TCIRG1: variants seen among roughly 807,000 people sequenced by gnomAD.
TCIRG1 encodes the protein V-type proton ATPase 116 kDa subunit a 3.
Under a neutral mutation model 95.5 loss-of-function variants are expected in TCIRG1, and 86 were observed. The observed-to-expected ratio is 0.90, with a 90% CI of 0.76 to 1.08. The LOEUF (loss-of-function observed/expected upper bound fraction) is 1.08, where lower values mean the gene tolerates loss of function less well. Ranked by LOEUF, TCIRG1 falls within the 50% of genes least tolerant of loss-of-function variation. The pLI, the probability that TCIRG1 is intolerant of heterozygous loss-of-function variation, is 0.00. For missense variants in TCIRG1, 1,069 were observed against 1,140.2 expected, an observed-to-expected ratio of 0.94 and a Z score of 0.90; for synonymous variants, 499 against 501.3, an observed-to-expected ratio of 1.00 and a Z score of 0.06.
chr11:68,046,652 G>T (rs546538746), intron 10 of TCIRG1, among the ~76,000 whole-genome samples: 1,915 of 150,616 alleles, frequency 0.013, 20 homozygotes, highest in Non-Finnish European at 0.019. Context: ...TCACAACACA[G>T]CCCCTGACAG....
In TCIRG1 at chr11:68,047,912, T is replaced by G. The variant is rs756496601; in HGVS notation, c.1494T>G (p.Leu498=). ...SDAFLAQHTM[L]TLDPNVTGVF... ...CATTCCTGGCCCAGCACACGATGCT[T>G]ACCCTGGATCCCAACGTCACCGGTG... is the stretch of plus-strand genomic sequence containing the variant. The change falls in exon 13 of 20, where the codon CTT becomes CTG. Residue 498 remains leucine (L), a synonymous_variant. Coordinates refer to ENST00000265686, the MANE Select transcript of TCIRG1 (RefSeq NM_006019.4). 2 of 1,613,782 alleles carry G rather than the reference T, an allele frequency of 1.2e-6. No individual in the cohort carries two copies. The highest frequency in any genetic ancestry group is 2.2e-5 in the South Asian group (2 of 91,084).
intron 13 of TCIRG1, 178 bp from the exon 14 acceptor site, chr11:68,048,701 T>C: frequency 1.4e-6 from 1 of 700,076 alleles, no homozygotes; most frequent in Admixed American, 2.0e-5. Context: ...TCACCCAGGC[T>C]GGCACCGTGG....
At position 68,047,797 on chromosome 11, in the gene TCIRG1, G is replaced by T; in HGVS notation, c.1456G>T (p.Gly486Cys). ...TGTGGCCGCCATGGCCAACCAGTCT[G>T]GCTGGAGGTGAGGCCCGGGCCCCAG... Reference protein sequence around the residue: ...WSVAAMANQSGWSDAFLAQHT... With the variant: ...WSVAAMANQSCWSDAFLAQHT... The change falls in exon 12 of 20, where the codon GGC becomes TGC. Residue 486 changes from glycine to cysteine, a missense_variant. Physicochemically the swap from Gly to Cys is radical, Grantham distance 159. Transcript: ENST00000265686. 6.2e-7 allele frequency: 1 copy of T among 1,612,830 alleles called. No homozygotes were observed. Among genetic ancestry groups the T allele is most frequent in the Non-Finnish European group, 8.5e-7 (1 of 1,179,744 alleles).
chr11:68,044,832 A>G, intron 9 of TCIRG1, 126 bp from the exon 10 acceptor site: 1 of 1,199,896 alleles, frequency 8.3e-7, no homozygotes. Context: ...CACGTCAGAG[A>G]GAGGGGAAGG....
At position 68,048,982 on chromosome 11, in the gene TCIRG1, G is replaced by T; in HGVS notation, c.1658G>T (p.Gly553Val). ...CACATGGCCTTTGGGGTGGTCCTCGGAGTCTTCAACCACGTGTGAGGGCCA... is the reference window on the plus strand; with the variant it reads ...CACATGGCCTTTGGGGTGGTCCTCGTAGTCTTCAACCACGTGTGAGGGCCA... ...VVHMAFGVVL[G>V]VFNHVHFGQR... Residue 553 changes from glycine to valine, a missense_variant, in exon 14 of 20, where the codon GGA becomes GTA. By Grantham distance (109) the Gly-to-Val change is moderately radical (BLOSUM62 -3). Transcript: ENST00000265686. 1.9e-6 allele frequency: 3 copies of T among 1,613,654 alleles called. No homozygotes were observed. The highest frequency in any genetic ancestry group is 2.5e-6 in the Non-Finnish European group (3 of 1,179,994).
At position 68,041,392 on chromosome 11, in the gene TCIRG1, A is replaced by C. The variant is rs751881962; in HGVS notation, c.117+4A>C. 39 of 1,603,364 alleles carry C rather than the reference A, an allele frequency of 2.4e-5. No individual in the cohort carries two copies. In the South Asian group the frequency reaches 4.3e-4, roughly 18 times the overall value. On this transcript the variant is annotated splice_donor_region_variant and intron_variant, in intron 2 of 19. Coordinates refer to ENST00000265686, the MANE Select transcript of TCIRG1 (RefSeq NM_006019.4). ...GGGCCTCGTGGAGTTCAGAGACGTGAGTTGGGTGGGCAGGCGTGGGAAGGG... is the reference window on the plus strand; with the variant it reads ...GGGCCTCGTGGAGTTCAGAGACGTGCGTTGGGTGGGCAGGCGTGGGAAGGG...
chr11:68,051,772 G>A (rs1000520573), downstream of TCIRG1, among the ~76,000 whole-genome samples: 1 of 152,232 alleles, frequency 6.6e-6, no homozygotes, highest in Non-Finnish European at 1.5e-5. Flanking sequence ...GGACTCCGGA[G>A]AGCTGCAGGT....
Position 68,050,199 on chromosome 11 carries a change from C to A in TCIRG1, c.2181C>A (p.Cys727Ter), listed in dbSNP as rs201017845. ...AIHTIEFCLG[C>*]VSNTASYLRL... ...ACACCATCGAGTTCTGCCTGGGCTG[C>A]GTCTCCAACACCGCCTCCTACCTGC... is the stretch of plus-strand genomic sequence containing the variant. Residue 727 changes from cysteine to a stop codon, truncating the protein, a stop_gained, in exon 18 of 20, where the codon TGC becomes TGA. Coordinates refer to ENST00000265686, the MANE Select transcript of TCIRG1 (RefSeq NM_006019.4). LOFTEE classifies it high-confidence loss of function. 6.2e-7 allele frequency: 1 copy of A among 1,613,666 alleles called. No homozygotes were observed. The highest frequency in any genetic ancestry group is 8.5e-7 in the Non-Finnish European group (1 of 1,179,938).
intron 10 of TCIRG1, chr11:68,047,127 CAGCCTCCTGAGT>C: frequency 2.5e-6 from 1 of 407,286 alleles, no homozygotes; most frequent in Non-Finnish European, 4.6e-6. Flanking sequence ...TCTCCTGCCT[CAGCCTCCTGAGT>C]AGCTGGGATT....
chr11:68,041,859 G>T, intron 3 of TCIRG1, 28 bp downstream of exon 3: 1 of 1,580,900 alleles, frequency 6.3e-7, no homozygotes, highest in Non-Finnish European at 8.6e-7. Flanking sequence ...CTACATTCCA[G>T]GCAGGCTTCC....
chr11:68,045,221 G>A (rs2134445915), intron 10 of TCIRG1, 119 bp downstream of exon 10: 1 of 1,264,748 alleles, frequency 7.9e-7, no homozygotes. Flanking sequence ...TGGGATGAGG[G>A]GCACACATCC....
Position 68,048,876 on chromosome 11 carries a change from T to C in TCIRG1, c.1555-3T>C. 3 of 1,607,604 alleles carry C rather than the reference T, an allele frequency of 1.9e-6. No individual in the cohort carries two copies. In the South Asian group the frequency reaches 3.3e-5, roughly 18 times the overall value. ...GTCCAGCCCACCCCTGCTGCCACCCTAGATTTGGAGCCTGGCTGCCAACCA... is the reference window on the plus strand; with the variant it reads ...GTCCAGCCCACCCCTGCTGCCACCCCAGATTTGGAGCCTGGCTGCCAACCA... On this transcript the variant is annotated splice_polypyrimidine_tract_variant and splice_region_variant and intron_variant, in intron 13 of 19. Transcript: ENST00000265686.
chr11:68,050,790 C>T lies in TCIRG1; in HGVS notation c.2464C>T (p.Pro822Ser), dbSNP rs1264287480. The change falls in exon 20 of 20, where the codon CCC becomes TCC. Residue 822 changes from proline (P) to serine (S), a missense_variant. Pro to Ser is a moderately conservative substitution (Grantham distance 74). Coordinates refer to ENST00000265686, the MANE Select transcript of TCIRG1 (RefSeq NM_006019.4). ...CTCAGGCACGGGCTACAAGCTGAGTCCCTTCACCTTCGCTGCCACAGATGA... is the reference window on the plus strand; with the variant it reads ...CTCAGGCACGGGCTACAAGCTGAGTTCCTTCACCTTCGCTGCCACAGATGA... Reference protein sequence around the residue: ...FYSGTGYKLSPFTFAATDD With the variant: ...FYSGTGYKLSSFTFAATDD The T allele has an allele frequency of 7.4e-6, 12 of 1,613,688 alleles. No individual in the cohort carries two copies. In the East Asian group the frequency reaches 2.2e-4, roughly 30 times the overall value.
At chr11:68,041,861 C>T in intron 3 of TCIRG1, 30 bp downstream of exon 3, 2 of 1,569,620 alleles carry the variant, frequency 1.3e-6, no homozygotes, top group Non-Finnish European at 1.7e-6. Context: ...ACATTCCAGG[C>T]AGGCTTCCTG....
Position 68,044,342 on chromosome 11 carries a change from T to G in TCIRG1, c.1018T>G (p.Ser340Ala). The change falls in exon 9 of 20, where the codon TCG becomes GCG. Residue 340 changes from serine (S) to alanine (A), a missense_variant and splice_region_variant. By Grantham distance (99) the Ser-to-Ala change is moderately conservative (BLOSUM62 1). Coordinates refer to ENST00000265686, the MANE Select transcript of TCIRG1 (RefSeq NM_006019.4). Reference protein sequence around the residue: ...PALQEALRDSSMEEGVSAVAH... With the variant: ...PALQEALRDSAMEEGVSAVAH... Reference sequence around the variant, plus strand: ...CCTGCAGGAGGCCCTGCGGGACAGCTCGGTGAGCAGCCTGAGGCCTCGCCC... The same window carrying G: ...CCTGCAGGAGGCCCTGCGGGACAGCGCGGTGAGCAGCCTGAGGCCTCGCCC... The G allele has an allele frequency of 2.5e-6, 4 of 1,579,158 alleles. No individual in the cohort carries two copies. Among genetic ancestry groups the G allele is most frequent in the Middle Eastern group, 2.0e-4 (1 of 4,930 alleles).
At chr11:68,050,425 G>A in intron 18 of TCIRG1, 62 bp from the exon 19 acceptor site, 4 of 1,609,060 alleles carry the variant, frequency 2.5e-6, no homozygotes, top group Non-Finnish European at 3.4e-6. Flanking sequence ...GCTGCGGCAG[G>A]TAGGTAGGGG....
chr11:68,040,815 C>T (rs552493599), intron 1 of TCIRG1, among the ~76,000 whole-genome samples: 4 of 152,288 alleles, frequency 2.6e-5, no homozygotes, highest in Admixed American at 1.3e-4. Flanking sequence ...TGGAGATGCC[C>T]GCTCCTACCA....
chr11:68,042,998 C>G lies in TCIRG1; in HGVS notation c.470C>G (p.Ala157Gly), dbSNP rs778942094. The change falls in exon 5 of 20, where the codon GCC becomes GGC. Residue 157 changes from alanine (A) to glycine (G), a missense_variant. By Grantham distance (60) the Ala-to-Gly change is moderately conservative. Transcript: ENST00000265686. ...GASERTPLLQ[A>G]PGGPHQDLRV... The stretch of plus-strand genomic sequence containing the variant: ...TCAGAGAGGACGCCCCTGCTCCAGG[C>G]CCCCGGGGGGCCGCACCAGGACCTG... 4 of 1,552,974 alleles carry G rather than the reference C, an allele frequency of 2.6e-6. No homozygotes were observed. In the South Asian group the frequency reaches 4.7e-5, roughly 18 times the overall value.
chr11:68,043,478 C>T lies in TCIRG1; in HGVS notation c.611C>T (p.Pro204Leu), dbSNP rs373711940. The change falls in exon 6 of 20, where the codon CCG (proline) becomes CTG (leucine). Residue 204 changes from proline (P) to leucine (L), a missense_variant. Coordinates refer to ENST00000265686, the MANE Select transcript of TCIRG1 (RefSeq NM_006019.4). ...GCCAGCTTCAGGGAGCTGGAGCAGC[C>T]GCTGGAGCACCCCGTGACGGTGAGC... The part of the protein sequence containing the change: ...LIASFRELEQ[P>L]LEHPVTGEPA... The T allele has an allele frequency of 1.2e-4, 195 of 1,561,222 alleles. 1 individual carries two copies. In the African/African-American group the frequency reaches 2.4e-3, roughly 19 times the overall value.
Sources: gnomAD v4.1 joint callset for allele counts (sites outside exome capture counted in the v4.1 genomes callset) on GRCh38, gnomAD v4.1.1 for gene constraint, MANE v1.5 for transcripts, NCBI Gene and HGNC (gene_info 2026-07-23, HGNC 2026-07-21) for gene names.